GSE1: variants seen among roughly 807,000 people sequenced by gnomAD.
GSE1 encodes Gse1 coiled-coil protein.
A neutral mutation model predicts 112.6 loss-of-function variants in GSE1; 32 were observed. The observed-to-expected ratio is 0.28, with a 90% CI of 0.21 to 0.38. The LOEUF is 0.38. Ranked by LOEUF, GSE1 falls within the 10% of genes least tolerant of loss-of-function variation. The probability of loss-of-function intolerance (pLI) is 1.00; values close to 1 mark genes in which losing one functional copy is unlikely to be tolerated. For synonymous variants in GSE1, 1,115 were observed against 735.6 expected (o/e 1.52, Z -8.35); for missense variants, 2,348 against 1,699.2 (o/e 1.38, Z -6.71).
intron 2 of GSE1, among the ~76,000 whole-genome samples, chr16:85,370,196 C>T (rs2047265767): frequency 6.6e-6 from 1 of 152,146 alleles, no homozygotes; most frequent in Non-Finnish European, 1.5e-5. Flanking sequence ...TGGGGCTGCC[C>T]CCACCCTGTC....
At chr16:85,478,219 T>C (rs1260249176) in intron 2 of GSE1, among the ~76,000 whole-genome samples, 1 of 152,116 alleles carries the variant, frequency 6.6e-6, no homozygotes, top group Non-Finnish European at 1.5e-5. Context: ...TACCTTCCTA[T>C]GGCTGAGGAA....
intron 2 of GSE1, among the ~76,000 whole-genome samples, chr16:85,476,581 C>A (rs1490545889): frequency 6.6e-6 from 1 of 151,878 alleles, no homozygotes; most frequent in Non-Finnish European, 1.5e-5. Context: ...ACGTGCTGTT[C>A]CCACTGCCTG....
At chr16:85,632,593 C>T (rs1385721554) in intron 1 of GSE1, among the ~76,000 whole-genome samples, 1 of 152,220 alleles carries the variant, frequency 6.6e-6, no homozygotes, top group African/African-American at 2.4e-5. Flanking sequence ...TCCAATTAGA[C>T]TTGTCAATGT....
chr16:85,507,817 C>T (rs765228539), intron 2 of GSE1, among the ~76,000 whole-genome samples: 2 of 152,186 alleles, frequency 1.3e-5, no homozygotes, highest in Non-Finnish European at 2.9e-5. Flanking sequence ...TCGCAGGACA[C>T]AAATCAGCCT....
chr16:85,193,471 G>GT (rs55671732), intron 1 of GSE1, among the ~76,000 whole-genome samples: 24,514 of 151,506 alleles, frequency 0.16, 2,192 homozygotes, highest in Middle Eastern at 0.28. Flanking sequence ...TTTTGCTTTT[G>GT]TTTTTTTTGA....
chr16:85,592,381 C>G lies in GSE1; in HGVS notation c.37+36018C>G, dbSNP rs1452527549. On this transcript the variant is annotated intron_variant, in intron 1 of 2. Transcript: ENST00000635906. ...CCCAAGTTGGTCTCAAACTCCTGAC[C>G]TCAAGTGATCCACCCACCTTGGCCT... 2.6e-5 allele frequency: 4 copies of G among 152,190 alleles called. No homozygotes were observed. In the East Asian group the frequency reaches 7.7e-4, roughly 29 times the overall value. 9.4% of individuals were successfully genotyped at this position (152,190 alleles called of 1,614,324 possible). A position where few individuals can be genotyped will look rare whatever the true frequency, so the allele number is the denominator to read the frequency against.
chr16:85,381,850 C>A (rs958163894), intron 2 of GSE1, among the ~76,000 whole-genome samples: 3 of 152,240 alleles, frequency 2.0e-5, no homozygotes, highest in African/African-American at 7.2e-5. Flanking sequence ...GCAAAGCAAG[C>A]TAGAGGGGCA....
At chr16:85,319,046 A>G (rs924358728) in intron 1 of GSE1, among the ~76,000 whole-genome samples, 21 of 152,172 alleles carry the variant, frequency 1.4e-4, no homozygotes, top group Non-Finnish European at 2.9e-4. Context: ...GTATCTTGGA[A>G]GGGTGGAGTG....
intron 1 of GSE1, among the ~76,000 whole-genome samples, chr16:85,200,908 C>G (rs961953007): frequency 9.2e-5 from 14 of 152,208 alleles, no homozygotes; most frequent in Admixed American, 6.5e-5. Context: ...GCCCTGGCTG[C>G]TCTCTACTTT....
At chr16:85,622,577 C>A (rs547668565) in intron 1 of GSE1, among the ~76,000 whole-genome samples, 3 of 152,312 alleles carry the variant, frequency 2.0e-5, no homozygotes, top group Admixed American at 6.5e-5. Context: ...ATGTAACATG[C>A]AGTAGGTGTA....
intron 1 of GSE1, among the ~76,000 whole-genome samples, chr16:85,172,361 G>A (rs1282525683): frequency 6.6e-6 from 1 of 152,226 alleles, no homozygotes; most frequent in African/African-American, 2.4e-5. Context: ...TCCAGACATG[G>A]GGGTGTGGAA....
At chr16:85,338,139 T>G (rs930978901) in intron 1 of GSE1, among the ~76,000 whole-genome samples, 1 of 152,230 alleles carries the variant, frequency 6.6e-6, no homozygotes, top group African/African-American at 2.4e-5. Context: ...GCCCTGAGCC[T>G]GGGCTGCCCA....
chr16:85,457,774 C>T (rs1331409211), intron 2 of GSE1, among the ~76,000 whole-genome samples: 1 of 152,214 alleles, frequency 6.6e-6, no homozygotes, highest in African/African-American at 2.4e-5. Context: ...AGGGAGCCAC[C>T]CTGAATGTGG....
At chr16:85,614,513 C>G (rs533768188) in intron 1 of GSE1, among the ~76,000 whole-genome samples, 1 of 152,100 alleles carries the variant, frequency 6.6e-6, no homozygotes, top group Non-Finnish European at 1.5e-5. Flanking sequence ...GAGGGGGTTC[C>G]CAGATGGGGG....
chr16:85,555,944 G>C (rs1478120911), upstream of GSE1: 29 of 977,556 alleles, frequency 3.0e-5, no homozygotes, highest in Non-Finnish European at 3.4e-5. Flanking sequence ...CCTCCGCCGC[G>C]CTCCCCCCTC....
At chr16:85,637,653 G>T (rs1470834177) in intron 2 of GSE1, among the ~76,000 whole-genome samples, 4 of 152,246 alleles carry the variant, frequency 2.6e-5, no homozygotes, top group African/African-American at 9.6e-5. Context: ...GGCTTGCCCG[G>T]GTCCCACGTT....
At chr16:85,226,586 G>A (rs910659361) in intron 1 of GSE1, among the ~76,000 whole-genome samples, 8 of 152,098 alleles carry the variant, frequency 5.3e-5, no homozygotes, top group African/African-American at 9.7e-5. Flanking sequence ...TTGGGCCTCG[G>A]TTTCTTCTTA....
At chr16:85,651,270 A>G (rs889964125) in intron 3 of GSE1, among the ~76,000 whole-genome samples, 1 of 151,774 alleles carries the variant, frequency 6.6e-6, no homozygotes, top group Non-Finnish European at 1.5e-5. Flanking sequence ...GATGGGGGGC[A>G]GCCCTGTGCC....
upstream of GSE1, among the ~76,000 whole-genome samples, chr16:85,606,825 C>T (rs150591968): frequency 2.5e-3 from 381 of 152,330 alleles, 1 homozygote; most frequent in Middle Eastern, 6.8e-3. Flanking sequence ...GTGGGGGGTG[C>T]TCACTGGTGG....
Sources: gnomAD v4.1 joint callset for allele counts (sites outside exome capture counted in the v4.1 genomes callset) on GRCh38, gnomAD v4.1.1 for gene constraint, MANE v1.5 for transcripts, NCBI Gene and HGNC (gene_info 2026-07-23, HGNC 2026-07-21) for gene names.